Variants in NFIB observed in about 807,000 individuals in gnomAD.
The protein encoded by NFIB is nuclear factor I B.
A neutral mutation model predicts 61.5 loss-of-function variants in NFIB; 11 were observed. The observed-to-expected ratio is 0.18, with a 90% CI of 0.11 to 0.30. The LOEUF (loss-of-function observed/expected upper bound fraction) is 0.30, where lower values mean the gene tolerates loss of function less well. Among genes scored for constraint, NFIB ranks in the 10% least tolerant of loss-of-function variants. NFIB has a pLI of 1.00. For synonymous variants in NFIB, 260 were observed against 216.5 expected (o/e 1.20, Z -1.76); for missense variants, 471 against 608.9 (o/e 0.77, Z 2.38).
intron 1 of NFIB, among the ~76,000 whole-genome samples, chr9:14,377,706 G>A (rs1445264882): frequency 6.6e-6 from 1 of 152,198 alleles, no homozygotes; most frequent in Admixed American, 6.5e-5. Context: ...AAGGAAAAGG[G>A]TGGATTGACC....
chr9:14,110,523 C>T (rs1444113050), intron 10 of NFIB, among the ~76,000 whole-genome samples: 1 of 151,998 alleles, frequency 6.6e-6, no homozygotes, highest in Non-Finnish European at 1.5e-5. Flanking sequence ...CCTTGATTTT[C>T]CTTTTCATTC....
intron 2 of NFIB, among the ~76,000 whole-genome samples, chr9:14,279,111 C>T (rs962306263): frequency 6.6e-6 from 1 of 151,964 alleles, no homozygotes; most frequent in Admixed American, 6.6e-5. Flanking sequence ...TTCACAAAGC[C>T]CTTTCACACA....
At chr9:14,093,548 T>C (rs2034293166) in intron 10 of NFIB, 2 of 152,116 alleles carry the variant, frequency 1.3e-5, no homozygotes, top group Non-Finnish European at 2.9e-5. Flanking sequence ...AAAATAAGTA[T>C]TTTAATTTAA....
chr9:14,529,094 G>A, the NFIB span, among the ~76,000 whole-genome samples: 1 of 152,230 alleles, frequency 6.6e-6, no homozygotes, highest in South Asian at 2.1e-4. Flanking sequence ...CACACACACA[G>A]GAGTTTACTC....
At chr9:14,192,830 C>G (rs903996948) in intron 2 of NFIB, among the ~76,000 whole-genome samples, 29 of 152,068 alleles carry the variant, frequency 1.9e-4, no homozygotes, top group African/African-American at 5.6e-4. Context: ...CTGGCCTTGC[C>G]CATGAAATTC....
chr9:14,228,352 G>A (rs763748501), intron 2 of NFIB, among the ~76,000 whole-genome samples: 6 of 151,726 alleles, frequency 4.0e-5, no homozygotes, highest in East Asian at 1.9e-4. Flanking sequence ...ACACCACCAC[G>A]CCTGGCTAAT....
intron 2 of NFIB, among the ~76,000 whole-genome samples, chr9:14,275,919 C>T (rs1328122630): frequency 1.3e-5 from 2 of 151,582 alleles, no homozygotes; most frequent in African/African-American, 4.9e-5. Flanking sequence ...TACCAGTATA[C>T]CAAAAACTCT....
At chr9:14,215,454 G>T (rs899455622) in intron 2 of NFIB, among the ~76,000 whole-genome samples, 1 of 141,836 alleles carries the variant, frequency 7.1e-6, no homozygotes, top group East Asian at 1.9e-4. Context: ...GTGAAAAATT[G>T]TCAGAAAGCA....
intron 2 of NFIB, among the ~76,000 whole-genome samples, chr9:14,225,456 CAAAAAA>C (rs1228589594): frequency 5.2e-5 from 3 of 58,020 alleles, no homozygotes; most frequent in African/African-American, 1.4e-4. Flanking sequence ...GACTCCGTCT[CAAAAAA>C]AAAAAAAAAA....
At chr9:14,266,934 A>G (rs2057252363) in intron 2 of NFIB, among the ~76,000 whole-genome samples, 1 of 152,230 alleles carries the variant, frequency 6.6e-6, no homozygotes, top group African/African-American at 2.4e-5. Flanking sequence ...AACAAAATGC[A>G]AAATCCAAGA....
intron 2 of NFIB, among the ~76,000 whole-genome samples, chr9:14,186,074 GAA>G (rs1455180867): frequency 6.6e-6 from 1 of 152,164 alleles, no homozygotes; most frequent in Non-Finnish European, 1.5e-5. Flanking sequence ...AGGATCAACA[GAA>G]AAAGACAACT....
At chr9:14,438,490 AT>A in the NFIB span, among the ~76,000 whole-genome samples, 1 of 152,272 alleles carries the variant, frequency 6.6e-6, no homozygotes, top group Non-Finnish European at 1.5e-5. Flanking sequence ...GCCTGGAGTG[AT>A]TTTCCCCCTT....
intron 3 of NFIB, among the ~76,000 whole-genome samples, chr9:14,169,918 G>T (rs1038246341): frequency 6.6e-6 from 1 of 152,306 alleles, no homozygotes; most frequent in Middle Eastern, 3.4e-3. Flanking sequence ...AAGAAAAACT[G>T]AGACTTTAGT....
At chr9:14,203,810 T>C (rs2049320669) in intron 2 of NFIB, among the ~76,000 whole-genome samples, 1 of 152,192 alleles carries the variant, frequency 6.6e-6, no homozygotes, top group Non-Finnish European at 1.5e-5. Flanking sequence ...ATTGGAATAC[T>C]ACCAGATAGA....
chr9:14,513,357 T>C, the NFIB span, among the ~76,000 whole-genome samples: 11 of 152,228 alleles, frequency 7.2e-5, no homozygotes, highest in African/African-American at 1.7e-4. Flanking sequence ...AGGCCGGGTG[T>C]GGTGGCTCAC....
intron 2 of NFIB, among the ~76,000 whole-genome samples, chr9:14,201,901 T>G (rs1426083930): frequency 6.6e-6 from 1 of 152,176 alleles, no homozygotes; most frequent in Non-Finnish European, 1.5e-5. Flanking sequence ...ATTCGTTTAT[T>G]TTTTTGAAAA....
chr9:14,202,976 T>C (rs985382763), intron 2 of NFIB, among the ~76,000 whole-genome samples: 1 of 152,238 alleles, frequency 6.6e-6, no homozygotes, highest in East Asian at 1.9e-4. Context: ...CACACAATTA[T>C]TACAATTACA....
chr9:14,455,644 G>C, the NFIB span, among the ~76,000 whole-genome samples: 2 of 152,112 alleles, frequency 1.3e-5, no homozygotes, highest in Non-Finnish European at 2.9e-5. Flanking sequence ...AGAGAATTGA[G>C]AGGCTAGAAA....
chr9:14,517,436 G>A, the NFIB span, among the ~76,000 whole-genome samples: 1 of 152,294 alleles, frequency 6.6e-6, no homozygotes, highest in African/African-American at 2.4e-5. Context: ...TGCTGATAAG[G>A]ATTATGTAGG....
Sources: gnomAD v4.1 joint callset for allele counts (sites outside exome capture counted in the v4.1 genomes callset) on GRCh38, gnomAD v4.1.1 for gene constraint, MANE v1.5 for transcripts, NCBI Gene and HGNC (gene_info 2026-07-23, HGNC 2026-07-21) for gene names.